The following ME2 variants were observed in gnomAD, a reference collection of about 807,000 sequenced individuals.
The protein encoded by ME2 is NAD-dependent malic enzyme, mitochondrial.
In ME2, 60 loss-of-function variants were observed where a neutral mutation model predicts 73.7. The observed-to-expected ratio is 0.81, with a 90% CI of 0.66 to 1.01. The LOEUF (loss-of-function observed/expected upper bound fraction) is 1.01, where lower values mean the gene tolerates loss of function less well. ME2 is among the 50% of genes least tolerant of loss of function. The probability of loss-of-function intolerance (pLI) is 0.00; values close to 1 mark genes in which losing one functional copy is unlikely to be tolerated. For synonymous variants in ME2, 199 were observed against 236.9 expected (o/e 0.84, Z 1.47); for missense variants, 594 against 705.5 (o/e 0.84, Z 1.79).
At chr18:50,909,977 G>A (rs1463300066) in intron 3 of ME2, among the ~76,000 whole-genome samples, 1 of 152,148 alleles carries the variant, frequency 6.6e-6, no homozygotes, top group Non-Finnish European at 1.5e-5. Flanking sequence ...GTATGGAGAT[G>A]TTTGAGCAGA....
At chr18:50,945,183 T>A (rs1474916866) in intron 15 of ME2, 1 of 152,268 alleles carries the variant, frequency 6.6e-6, no homozygotes, top group Non-Finnish European at 1.5e-5. Context: ...AGTGGTGCAA[T>A]CTCAGTTCAA....
intron 1 of ME2, among the ~76,000 whole-genome samples, chr18:50,883,839 G>A (rs941632801): frequency 5.9e-5 from 9 of 152,022 alleles, no homozygotes; most frequent in African/African-American, 2.2e-4. Flanking sequence ...CTCCAGCCTG[G>A]GTGACAGAGC....
rs374022185 is a variant in ME2, at chr18:50,923,367, T to C, written c.1057-731T>C. On this transcript the variant is annotated intron_variant, in intron 10 of 15. Transcript: ENST00000321341. ...TAATCTTAACCTTTTGTACTTGATGTGACTATTCATAAGTTTGTTCAGTTG... is the reference window on the plus strand; with the variant it reads ...TAATCTTAACCTTTTGTACTTGATGCGACTATTCATAAGTTTGTTCAGTTG... Among the ~76,000 whole-genome samples the C allele has an allele frequency of 2.0e-5, 3 of 152,230 alleles. No homozygotes were observed. In the East Asian group the frequency reaches 5.8e-4, roughly 29 times the overall value.
Position 50,932,330 on chromosome 18 carries a change from G to A in ME2, c.1387G>A (p.Gly463Ser). ...TACAGATGGGCGAGTCTTTACACCA[G>A]GTCAAGGAAACAATGTTTATATTTT... ...KLTDGRVFTP[G>S]QGNNVYIFPG... Residue 463 changes from glycine to serine, a missense_variant, in exon 13 of 16, where the codon GGT (glycine) becomes AGT (serine). Transcript: ENST00000321341. 1 of 1,612,352 alleles carries A rather than the reference G, an allele frequency of 6.2e-7. No individual in the cohort carries two copies. Among genetic ancestry groups the A allele is most frequent in the Admixed American group, 1.7e-5 (1 of 59,884 alleles).
In ME2 at chr18:50,951,448, AC is replaced by A. The variant is rs1918223116; in HGVS notation, c.*4265del. On this transcript the variant is annotated 3_prime_UTR_variant, in exon 16 of 16. Transcript: ENST00000321341. ...GCCCAGTCAGTATCCTTCAAGGATA[AC>A]TTTTTCATACCTTTTTTTTGGTTTG... The A allele has an allele frequency of 6.6e-6, 1 of 152,090 alleles. No homozygotes were observed. The highest frequency in any genetic ancestry group is 2.4e-5 in the African/African-American group (1 of 41,424). The allele number at this position is 152,090 out of a possible 1,614,324, so 9.4% of individuals were successfully genotyped here. A position where few individuals can be genotyped will look rare whatever the true frequency, so the allele number is the denominator to read the frequency against.
intron 4 of ME2, among the ~76,000 whole-genome samples, chr18:50,914,770 A>T (rs1011810642): frequency 2.0e-5 from 3 of 152,198 alleles, no homozygotes; most frequent in African/African-American, 7.2e-5. Flanking sequence ...TAAACCTAAG[A>T]TCAGTTTGAC....
In ME2 at chr18:50,940,124, A is replaced by G. The variant is rs1917911170; in HGVS notation, c.1489-164A>G. ...AAATCTGGTTATTTATTGTTTAGTGATGAACAGTTTTAATTTCTGCAGTGG... is the reference window on the plus strand; with the variant it reads ...AAATCTGGTTATTTATTGTTTAGTGGTGAACAGTTTTAATTTCTGCAGTGG... On this transcript the variant is annotated intron_variant, in intron 14 of 15. Coordinates refer to ENST00000321341, the MANE Select transcript of ME2 (RefSeq NM_002396.5). 7 of 600,774 alleles carry G rather than the reference A, an allele frequency of 1.2e-5. 1 individual carries two copies. In the South Asian group the frequency reaches 1.6e-4, roughly 14 times the overall value. 37.2% of individuals were successfully genotyped at this position (600,774 alleles called of 1,614,324 possible). A position where few individuals can be genotyped will look rare whatever the true frequency, so the allele number is the denominator to read the frequency against.
In ME2 at chr18:50,908,088, G is replaced by A. The variant is rs377618974; in HGVS notation, c.134G>A (p.Arg45Gln). The stretch of plus-strand genomic sequence containing the variant: ...GGAATGGCATTTACTTTACAAGAAC[G>A]ACAAATGCTTGGTCTTCAAGGACTT... ...NKGMAFTLQERQMLGLQGLLP... is the reference protein window; with the variant it reads ...NKGMAFTLQEQQMLGLQGLLP... The change falls in exon 3 of 16, where the codon CGA becomes CAA. Residue 45 changes from arginine (R) to glutamine (Q), a missense_variant. By Grantham distance (43) the Arg-to-Gln change is conservative. Coordinates refer to ENST00000321341, the MANE Select transcript of ME2 (RefSeq NM_002396.5). 12 of 1,585,644 alleles carry A rather than the reference G, an allele frequency of 7.6e-6. No individual in the cohort carries two copies. Among genetic ancestry groups the A allele is most frequent in the South Asian group, 2.3e-5 (2 of 86,062 alleles).
At chr18:50,924,257 T>G in intron 11 of ME2, 45 bp downstream of exon 11, 1 of 1,272,066 alleles carries the variant, frequency 7.9e-7, no homozygotes, top group Middle Eastern at 1.9e-4. Flanking sequence ...CCTAACTGTA[T>G]GTTGCCAGTC....
At chr18:50,887,041 A>G (rs1916490109) in intron 1 of ME2, among the ~76,000 whole-genome samples, 1 of 152,214 alleles carries the variant, frequency 6.6e-6, no homozygotes, top group Non-Finnish European at 1.5e-5. Flanking sequence ...TAAGTTTCAC[A>G]GCAGCTAAAA....
rs564164371 is a variant in ME2, at chr18:50,906,729, A to G, written c.109-1334A>G. 1.1e-4 allele frequency among the ~76,000 whole-genome samples: 16 copies of G among 152,162 alleles called. No homozygotes were observed. The South Asian group carries it at 2.7e-3, about 26-fold the overall frequency. On this transcript the variant is annotated intron_variant, in intron 2 of 15. Coordinates refer to ENST00000321341, the MANE Select transcript of ME2 (RefSeq NM_002396.5). ...AGACTTAAATGCTTGGAACTAGTAA[A>G]TTTCCCATTTTTTGCCAAGTGGCTC...
At chr18:50,936,631 A>G (rs1268872853) in intron 13 of ME2, among the ~76,000 whole-genome samples, 1 of 152,142 alleles carries the variant, frequency 6.6e-6, no homozygotes, top group Non-Finnish European at 1.5e-5. Flanking sequence ...GTAAATTAAA[A>G]ATTATAATGT....
chr18:50,916,270 A>C (rs1917282262), intron 5 of ME2, 27 bp downstream of exon 5: 1 of 1,530,000 alleles, frequency 6.5e-7, no homozygotes, highest in Admixed American at 1.8e-5. Context: ...CCTCCTTTTC[A>C]CAATGTTTTC....
chr18:50,926,301 C>T (rs1338863660), intron 12 of ME2, among the ~76,000 whole-genome samples: 1 of 152,068 alleles, frequency 6.6e-6, no homozygotes. Flanking sequence ...AATGAATTCT[C>T]TTGGTAATTT....
At chr18:50,889,731 A>C (rs1916561593) in intron 1 of ME2, among the ~76,000 whole-genome samples, 1 of 152,214 alleles carries the variant, frequency 6.6e-6, no homozygotes, top group South Asian at 2.1e-4. Context: ...TAGGAATCTC[A>C]TGCAGTTTTG....
At chr18:50,925,644 T>G in intron 11 of ME2, 112 bp from the exon 12 acceptor site, 1,078 of 798,698 alleles carry the variant, frequency 1.3e-3, no homozygotes, top group Non-Finnish European at 2.0e-3. Context: ...ATCTTTGTAA[T>G]GAGATATTAC....
At chr18:50,902,609 C>T (rs1313436204) in intron 2 of ME2, among the ~76,000 whole-genome samples, 1 of 152,170 alleles carries the variant, frequency 6.6e-6, no homozygotes, top group East Asian at 1.9e-4. Context: ...GTTGTCCAGG[C>T]TGATCTCGAA....
At chr18:50,901,710 T>C (rs992023248) in intron 2 of ME2, among the ~76,000 whole-genome samples, 3 of 152,248 alleles carry the variant, frequency 2.0e-5, no homozygotes, top group African/African-American at 7.2e-5. Flanking sequence ...CTCTAAACTA[T>C]GTACATAGCC....
chr18:50,930,839 G>T (rs1917675823), intron 12 of ME2, among the ~76,000 whole-genome samples: 1 of 152,228 alleles, frequency 6.6e-6, no homozygotes, highest in Non-Finnish European at 1.5e-5. Flanking sequence ...AAAATTTTTA[G>T]TCACAAGTAA....
Sources: gnomAD v4.1 joint callset for allele counts (sites outside exome capture counted in the v4.1 genomes callset) on GRCh38, gnomAD v4.1.1 for gene constraint, MANE v1.5 for transcripts, NCBI Gene and HGNC (gene_info 2026-07-23, HGNC 2026-07-21) for gene names.